Variants in GLIS1 observed in about 807,000 individuals in gnomAD.
The protein encoded by GLIS1 is GLIS family zinc finger 1, also known as zinc finger protein GLIS1.
A neutral mutation model predicts 63.8 loss-of-function variants in GLIS1; 24 were observed. That is an observed-to-expected ratio of 0.38 (90% confidence interval 0.27 to 0.53). The LOEUF (loss-of-function observed/expected upper bound fraction) is 0.53, where lower values mean the gene tolerates loss of function less well. Among genes scored for constraint, GLIS1 ranks in the 20% least tolerant of loss-of-function variants. GLIS1 has a pLI of 0.85. For missense variants in GLIS1, 1,036 were observed against 1,074.1 expected (o/e 0.96, Z 0.50); for synonymous variants, 450 against 482.5 (o/e 0.93, Z 0.88).
At chr1:53,713,440 C>A (rs112475304) in intron 2 of GLIS1, among the ~76,000 whole-genome samples, 26,323 of 137,618 alleles carry the variant, frequency 0.19, 41 homozygotes, top group African/African-American at 0.26. Context: ...TCTTCAAGAC[C>A]AGCCTGGGCA....
chr1:53,707,056 C>T (rs536341339), intron 2 of GLIS1, among the ~76,000 whole-genome samples: 6 of 152,126 alleles, frequency 3.9e-5, no homozygotes, highest in Admixed American at 1.3e-4. Context: ...ACATTCCCCC[C>T]GACCCATTTT....
At chr1:53,704,189 A>T (rs1396855149) in intron 2 of GLIS1, among the ~76,000 whole-genome samples, 1 of 152,240 alleles carries the variant, frequency 6.6e-6, no homozygotes, top group Non-Finnish European at 1.5e-5. Context: ...CCCACAGCCA[A>T]TGCTGCAGAA....
chr1:53,524,110 T>C (rs1026696427), intron 6 of GLIS1, among the ~76,000 whole-genome samples: 5 of 152,254 alleles, frequency 3.3e-5, no homozygotes, highest in African/African-American at 4.8e-5. Flanking sequence ...CATTTACTCC[T>C]GACCGCAGCT....
intron 3 of GLIS1, among the ~76,000 whole-genome samples, chr1:53,596,052 C>T (rs1645252743): frequency 6.6e-6 from 1 of 152,248 alleles, no homozygotes; most frequent in African/African-American, 2.4e-5. Flanking sequence ...CTGGGTCTCT[C>T]TCCTCCTCTG....
chr1:53,586,301 C>T (rs947791501), intron 4 of GLIS1, among the ~76,000 whole-genome samples: 1 of 152,160 alleles, frequency 6.6e-6, no homozygotes, highest in Non-Finnish European at 1.5e-5. Flanking sequence ...CCCTACTAAA[C>T]ACTGTCTACT....
intron 4 of GLIS1, among the ~76,000 whole-genome samples, chr1:53,591,869 G>C (rs1193578302): frequency 1.3e-5 from 2 of 152,214 alleles, no homozygotes; most frequent in African/African-American, 4.8e-5. Flanking sequence ...AAAACCCTTG[G>C]TTTTACAGGA....
chr1:53,507,485 C>T (rs574123098), intron 10 of GLIS1, among the ~76,000 whole-genome samples: 3 of 152,248 alleles, frequency 2.0e-5, no homozygotes, highest in South Asian at 2.1e-4. Flanking sequence ...TGGGAGGGGC[C>T]GGGAGGGGTG....
intron 4 of GLIS1, among the ~76,000 whole-genome samples, chr1:53,588,109 G>T (rs890159704): frequency 6.6e-6 from 1 of 152,098 alleles, no homozygotes; most frequent in African/African-American, 2.4e-5. Flanking sequence ...ACTGAAAATC[G>T]CCCAACAAGC....
At chr1:53,663,778 G>A (rs1266203072) in intron 2 of GLIS1, among the ~76,000 whole-genome samples, 2 of 152,220 alleles carry the variant, frequency 1.3e-5, no homozygotes, top group African/African-American at 2.4e-5. Flanking sequence ...AGGACAAAAC[G>A]TTCCAAGGCT....
chr1:53,562,618 G>A (rs542698265), intron 4 of GLIS1, among the ~76,000 whole-genome samples: 12 of 152,118 alleles, frequency 7.9e-5, no homozygotes, highest in African/African-American at 2.9e-4. Context: ...CTGCCCCGGG[G>A]GCAGGCATCC....
intron 2 of GLIS1, among the ~76,000 whole-genome samples, chr1:53,736,943 G>C (rs1646918354): frequency 6.7e-6 from 1 of 149,926 alleles, no homozygotes; most frequent in Non-Finnish European, 1.5e-5. Flanking sequence ...TCCAAATGCA[G>C]ATATAGTCAA....
At position 53,696,993 on chromosome 1, in the gene GLIS1, C is replaced by T. The variant is rs144947443; in HGVS notation, c.259+40813G>A. On this transcript the variant is annotated intron_variant, in intron 2 of 10. Coordinates refer to ENST00000628545, the MANE Select transcript of GLIS1 (RefSeq NM_001367484.1). ...CCTCTCGAGATGCCCCTTCATTGTG[C>T]TTAGCATGGTGACCAGTATTTTTAT... Among the ~76,000 whole-genome samples the T allele has an allele frequency of 3.7e-3, 571 of 152,328 alleles. 8 individuals are homozygous for T. The highest frequency in any genetic ancestry group is 2.5e-3 in the Non-Finnish European group (171 of 68,040).
intron 2 of GLIS1, among the ~76,000 whole-genome samples, chr1:53,713,982 T>C (rs988712863): frequency 5.6e-4 from 85 of 152,336 alleles, no homozygotes; most frequent in African/African-American, 1.9e-3. Context: ...TTAGGGTGTG[T>C]GGCTGGACAG....
intron 2 of GLIS1, among the ~76,000 whole-genome samples, chr1:53,736,245 C>T (rs1646911457): frequency 6.6e-6 from 1 of 152,128 alleles, no homozygotes. Flanking sequence ...TTATTTTGGA[C>T]ATGTTTGGGG....
intron 4 of GLIS1, among the ~76,000 whole-genome samples, chr1:53,546,131 C>T (rs1644696026): frequency 1.3e-5 from 2 of 152,228 alleles, no homozygotes; most frequent in East Asian, 1.9e-4. Flanking sequence ...TGGGTGCCTC[C>T]TCGCAGGGTG....
intron 2 of GLIS1, among the ~76,000 whole-genome samples, chr1:53,629,422 C>T (rs536418259): frequency 2.6e-5 from 4 of 152,194 alleles, no homozygotes; most frequent in African/African-American, 9.7e-5. Context: ...ACTGTTAATT[C>T]TTCTAGTCTC....
chr1:53,514,026 G>A (rs1644323909), intron 8 of GLIS1, among the ~76,000 whole-genome samples: 2 of 152,242 alleles, frequency 1.3e-5, no homozygotes, highest in South Asian at 4.1e-4. Flanking sequence ...GCAGATCATG[G>A]TCCAGCAATT....
In GLIS1 at chr1:53,718,337, C is replaced by T. The variant is rs545456134; in HGVS notation, c.259+19469G>A. On this transcript the variant is annotated intron_variant, in intron 2 of 10. Transcript: ENST00000628545. ...AAACCAGTCTGCAGTGCTGGAGAGA[C>T]GGAACTGAGGGAACCTGATGCATTT... 2.2e-4 allele frequency among the ~76,000 whole-genome samples: 33 copies of T among 152,116 alleles called. 1 individual carries two copies. Among genetic ancestry groups the T allele is most frequent in the South Asian group, 1.9e-3 (9 of 4,812 alleles).
In GLIS1 at chr1:53,737,986, G is replaced by C; in HGVS notation, c.79C>G (p.Pro27Ala). 1 of 1,230,434 alleles carries C rather than the reference G, an allele frequency of 8.1e-7. No individual in the cohort carries two copies. The highest frequency in any genetic ancestry group is 1.0e-6 in the Non-Finnish European group (1 of 987,072). The allele number at this position is 1,230,434 out of a possible 1,614,324, so 76.2% of individuals were successfully genotyped here. A position where few individuals can be genotyped will look rare whatever the true frequency, so the allele number is the denominator to read the frequency against. ...GCCATGTGCGCGCCGAGGCTGGCGG[G>C]GCCGCGGTCGGGGCCGGGCGCACCA... ...APGAPGPDRG[P>A]ASLGAHMAFR... The change falls in exon 2 of 11, where the codon CCC becomes GCC. Residue 27 changes from proline (P) to alanine (A), a missense_variant. By Grantham distance (27) the Pro-to-Ala change is conservative. Coordinates refer to ENST00000628545, the MANE Select transcript of GLIS1 (RefSeq NM_001367484.1).
Sources: allele counts gnomAD v4.1 joint callset (sites outside exome capture counted in the v4.1 genomes callset), GRCh38; gene constraint gnomAD v4.1.1; transcripts MANE v1.5; gene names NCBI Gene and HGNC (gene_info 2026-07-23, HGNC 2026-07-21).